TTC39C: variants seen among roughly 807,000 people sequenced by gnomAD.
The protein encoded by TTC39C is tetratricopeptide repeat domain 39C.
Under a neutral mutation model 76.3 loss-of-function variants are expected in TTC39C, and 33 were observed. The observed-to-expected ratio is 0.43, with a 90% CI of 0.33 to 0.58. The LOEUF (loss-of-function observed/expected upper bound fraction) is 0.58. Among genes scored for constraint, TTC39C ranks in the 20% least tolerant of loss-of-function variants. The pLI is 0.04. For synonymous variants in TTC39C, 254 were observed against 260.6 expected, an observed-to-expected ratio of 0.97 and a Z score of 0.24; for missense variants, 595 against 701.4, an observed-to-expected ratio of 0.85 and a Z score of 1.71.
At chr18:24,130,838 A>G (rs2145833136) in intron 12 of TTC39C, among the ~76,000 whole-genome samples, 1 of 152,038 alleles carries the variant, frequency 6.6e-6, no homozygotes, top group Non-Finnish European at 1.5e-5. Context: ...CACAATGGTA[A>G]GTATTTGTGT....
chr18:24,111,083 C>T (rs937742803), intron 6 of TTC39C, among the ~76,000 whole-genome samples: 4 of 151,740 alleles, frequency 2.6e-5, no homozygotes, highest in African/African-American at 7.3e-5. Flanking sequence ...CTCCACCTCT[C>T]GGGTTCAAGT....
intron 6 of TTC39C, among the ~76,000 whole-genome samples, chr18:24,094,635 A>C (rs561479531): frequency 7.2e-5 from 11 of 152,232 alleles, no homozygotes; most frequent in Admixed American, 3.9e-4. Context: ...CTCATTGTAC[A>C]TCTCCATCAG....
At chr18:24,104,085 C>T (rs2084714417) in intron 6 of TTC39C, among the ~76,000 whole-genome samples, 2 of 152,104 alleles carry the variant, frequency 1.3e-5, no homozygotes, top group Admixed American at 1.3e-4. Flanking sequence ...GCACTTGCCA[C>T]CACGCCCGGC....
At chr18:24,042,262 T>C (rs12957890) in intron 1 of TTC39C, among the ~76,000 whole-genome samples, 95,614 of 152,100 alleles carry the variant, frequency 0.63, 33,966 homozygotes, top group Non-Finnish European at 0.82. Flanking sequence ...CCAACCTTTT[T>C]GGCACCAGGG....
chr18:24,120,631 A>G (rs1318707256), intron 8 of TTC39C, among the ~76,000 whole-genome samples: 1 of 152,212 alleles, frequency 6.6e-6, no homozygotes, highest in Non-Finnish European at 1.5e-5. Context: ...TGCAAACATC[A>G]CCAGCATCCA....
intron 12 of TTC39C, 109 bp downstream of exon 12, chr18:24,130,526 G>A (rs1314206814): frequency 1.0e-5 from 3 of 295,976 alleles, no homozygotes; most frequent in African/African-American, 2.2e-5. Flanking sequence ...TGAACACAGT[G>A]TTCTTCATTT....
At chr18:24,014,627 G>GCGAGA, upstream of TTC39C, 2 of 396,800 alleles carry the variant, frequency 5.0e-6, no homozygotes, top group Non-Finnish European at 7.9e-6. Context: ...AGGAGCGGGC[G>GCGAGA]GGTGCTGCTG....
chr18:24,014,559 C>A, upstream of TTC39C: 1 of 219,718 alleles, frequency 4.6e-6, no homozygotes, highest in Non-Finnish European at 8.8e-6. Flanking sequence ...GTGAGAGACA[C>A]CCGGAAACGG....
chr18:23,995,705 C>T (rs989093792), intron 1 of TTC39C, among the ~76,000 whole-genome samples: 1 of 150,362 alleles, frequency 6.7e-6, no homozygotes, highest in Non-Finnish European at 1.5e-5. Context: ...CCATCTCTGC[C>T]GGAAAAAAAA....
At chr18:24,035,450 G>A (rs1046220170) in intron 1 of TTC39C, among the ~76,000 whole-genome samples, 4 of 152,192 alleles carry the variant, frequency 2.6e-5, no homozygotes, top group Non-Finnish European at 4.4e-5. Context: ...CTTGCCAACA[G>A]TTTTCTTGAT....
At chr18:24,105,225 A>G (rs540632069) in intron 6 of TTC39C, among the ~76,000 whole-genome samples, 3 of 152,342 alleles carry the variant, frequency 2.0e-5, no homozygotes, top group Admixed American at 6.5e-5. Context: ...AGATATACAC[A>G]TGGCCAATAA....
At chr18:24,081,816 A>G (rs2084378084) in intron 5 of TTC39C, among the ~76,000 whole-genome samples, 1 of 152,120 alleles carries the variant, frequency 6.6e-6, no homozygotes, top group African/African-American at 2.4e-5. Context: ...ATTAATGTGA[A>G]TTAATAGGTT....
chr18:24,085,904 C>A (rs551717579), intron 6 of TTC39C, among the ~76,000 whole-genome samples: 25 of 152,324 alleles, frequency 1.6e-4, no homozygotes, highest in African/African-American at 5.1e-4. Flanking sequence ...TTGTTATTAT[C>A]CCCAAGGTGC....
chr18:24,095,902 TC>T (rs1186098966), intron 6 of TTC39C, among the ~76,000 whole-genome samples: 1 of 152,128 alleles, frequency 6.6e-6, no homozygotes, highest in African/African-American at 2.4e-5. Context: ...GGGTTATTAA[TC>T]AACCTCAATT....
chr18:24,110,369 G>A (rs771477173), intron 6 of TTC39C, among the ~76,000 whole-genome samples: 54 of 152,296 alleles, frequency 3.5e-4, no homozygotes, highest in Non-Finnish European at 7.1e-4. Flanking sequence ...AATGCAGTGT[G>A]CTGTTATAAG....
At position 24,127,569 on chromosome 18, in the gene TTC39C, G is replaced by A. The variant is rs887280874; in HGVS notation, c.1421-1317G>A. 2.0e-5 allele frequency among the ~76,000 whole-genome samples: 3 copies of A among 152,264 alleles called. No individual in the cohort carries two copies. The East Asian group carries it at 5.8e-4, about 29-fold the overall frequency. ...GTCATGCTCTGTCGCCCAGGCTGGA[G>A]TGTAGTGCACAATCATGGCTCACTG... On this transcript the variant is annotated intron_variant, in intron 10 of 13. Transcript: ENST00000317571.
intron 1 of TTC39C, among the ~76,000 whole-genome samples, chr18:24,001,823 G>GTTTTTTTTTTTT (rs750295981): frequency 3.5e-5 from 2 of 57,496 alleles, no homozygotes; most frequent in Non-Finnish European, 4.7e-5. Context: ...CGGTAATTCT[G>GTTTTTTTTTTTT]TTTTTTTTTT....
At chr18:24,126,643 A>G (rs1568447579) in intron 10 of TTC39C, among the ~76,000 whole-genome samples, 1 of 143,224 alleles carries the variant, frequency 7.0e-6, no homozygotes, top group Non-Finnish European at 1.5e-5. Flanking sequence ...GTTCTTTTTA[A>G]TTTTTTTTTT....
intron 6 of TTC39C, chr18:24,099,113 CGTG>C (rs1312743912): frequency 7.4e-6 from 1 of 134,826 alleles, no homozygotes; most frequent in Non-Finnish European, 1.6e-5. Context: ...ATATATAAAA[CGTG>C]TGTGTGTGTG....
Sources: allele counts gnomAD v4.1 joint callset (sites outside exome capture counted in the v4.1 genomes callset), GRCh38; gene constraint gnomAD v4.1.1; transcripts MANE v1.5; gene names NCBI Gene and HGNC (gene_info 2026-07-23, HGNC 2026-07-21).